Variants in C3orf49 observed in about 807,000 individuals in gnomAD.
C3orf49 encodes chromosome 3 open reading frame 49.
A neutral mutation model predicts 13.3 loss-of-function variants in C3orf49; 27 were observed. The observed-to-expected ratio is 2.02, with a 90% CI of 1.49 to 2.79. The LOEUF (loss-of-function observed/expected upper bound fraction) is 2.79. C3orf49 is among the 30% of genes most tolerant of loss of function. The probability of loss-of-function intolerance (pLI) is 0.00; values close to 1 mark genes in which losing one functional copy is unlikely to be tolerated. For missense variants in C3orf49, 242 were observed against 134.2 expected (o/e 1.80, Z -3.97); for synonymous variants, 87 against 47.6 (o/e 1.83, Z -3.40).
intron 3 of C3orf49, among the ~76,000 whole-genome samples, chr3:63,829,837 C>A (rs906996584): frequency 6.6e-6 from 1 of 152,000 alleles, no homozygotes; most frequent in Admixed American, 6.6e-5. Flanking sequence ...TGGTGGTACA[C>A]ACTTTTAGTC....
chr3:63,807,050 C>T, the C3orf49 span, among the ~76,000 whole-genome samples: 1 of 151,748 alleles, frequency 6.6e-6, no homozygotes. Flanking sequence ...CTCCTGGGTT[C>T]ACGTCATTCT....
At chr3:63,785,864 AG>A in the C3orf49 span, 1 of 152,136 alleles carries the variant, frequency 6.6e-6, no homozygotes, top group Non-Finnish European at 1.5e-5. Context: ...AACCACCAAA[AG>A]CATCTTAATT....
At chr3:63,809,395 A>G in the C3orf49 span, among the ~76,000 whole-genome samples, 3,586 of 152,332 alleles carry the variant, frequency 0.024, 78 homozygotes, top group African/African-American at 0.059. Context: ...AATCTGTTGC[A>G]GCATGAAAAG....
chr3:63,828,053 A>T (rs1402433781), intron 3 of C3orf49, among the ~76,000 whole-genome samples: 1 of 152,228 alleles, frequency 6.6e-6, no homozygotes, highest in African/African-American at 2.4e-5. Flanking sequence ...TTAGACCAGC[A>T]CTGTCCAGTG....
upstream of C3orf49, among the ~76,000 whole-genome samples, chr3:63,814,811 A>G (rs1701305714): frequency 6.6e-6 from 1 of 151,728 alleles, no homozygotes; most frequent in South Asian, 2.1e-4. Flanking sequence ...TCTCTTCTCT[A>G]CTCACCCCCT....
At chr3:63,812,049 C>T in the C3orf49 span, among the ~76,000 whole-genome samples, 1 of 152,106 alleles carries the variant, frequency 6.6e-6, no homozygotes, top group Non-Finnish European at 1.5e-5. Context: ...TGTTCCCACC[C>T]AACTGGGGTG....
chr3:63,815,771 C>CTT (rs1227837780), upstream of C3orf49, among the ~76,000 whole-genome samples: 265 of 136,552 alleles, frequency 1.9e-3, 6 homozygotes, highest in African/African-American at 6.1e-3. Context: ...TCTTTTCTTT[C>CTT]TTTTTTTTTT....
the C3orf49 span, among the ~76,000 whole-genome samples, chr3:63,813,171 T>C: frequency 6.6e-6 from 1 of 152,212 alleles, no homozygotes; most frequent in African/African-American, 2.4e-5. Context: ...AATCCTCCAC[T>C]GGTAGACATA....
the C3orf49 span, among the ~76,000 whole-genome samples, chr3:63,780,168 G>A: frequency 1.3e-5 from 2 of 152,248 alleles, no homozygotes; most frequent in South Asian, 2.1e-4. Context: ...AGGCCCCGGT[G>A]TGTGATGTTC....
chr3:63,827,193 G>T (rs1701473472), intron 2 of C3orf49: 2 of 156,054 alleles, frequency 1.3e-5, no homozygotes, highest in African/African-American at 4.8e-5. Context: ...CAAATCAATG[G>T]TATGTAAATG....
chr3:63,796,585 G>A, the C3orf49 span, among the ~76,000 whole-genome samples: 1 of 152,028 alleles, frequency 6.6e-6, no homozygotes, highest in Admixed American at 6.6e-5. Context: ...CAAGATATAT[G>A]CAATATACAA....
chr3:63,787,698 T>G, the C3orf49 span, among the ~76,000 whole-genome samples: 1 of 152,096 alleles, frequency 6.6e-6, no homozygotes, highest in Admixed American at 6.5e-5. Flanking sequence ...GATGAGAAAT[T>G]AACTCTCTGT....
intron 4 of C3orf49, 46 bp downstream of exon 4, chr3:63,831,269 G>C: frequency 1.4e-6 from 1 of 691,932 alleles, no homozygotes; most frequent in South Asian, 1.5e-5. Context: ...AAGCATCAGA[G>C]AGCCAGGCTT....
At chr3:63,806,043 A>G in the C3orf49 span, among the ~76,000 whole-genome samples, 2 of 152,154 alleles carry the variant, frequency 1.3e-5, no homozygotes, top group African/African-American at 2.4e-5. Flanking sequence ...TACTACTTCT[A>G]CAACTCTGCC....
chr3:63,794,989 G>T, the C3orf49 span, among the ~76,000 whole-genome samples: 1 of 152,108 alleles, frequency 6.6e-6, no homozygotes, highest in African/African-American at 2.4e-5. Flanking sequence ...CAATAAATCA[G>T]CCTGGTTGCC....
chr3:63,825,383 A>G (rs1394542910), intron 2 of C3orf49, among the ~76,000 whole-genome samples: 2 of 152,160 alleles, frequency 1.3e-5, no homozygotes, highest in Admixed American at 6.6e-5. Flanking sequence ...TTCTGGAAAA[A>G]GCAGTCATTA....
At chr3:63,781,919 G>A in the C3orf49 span, among the ~76,000 whole-genome samples, 1 of 152,184 alleles carries the variant, frequency 6.6e-6, no homozygotes, top group African/African-American at 2.4e-5. Flanking sequence ...CATGGAAATG[G>A]AAATTGTAAG....
At chr3:63,835,934 A>C (rs778172411) in intron 5 of C3orf49, among the ~76,000 whole-genome samples, 36 of 152,162 alleles carry the variant, frequency 2.4e-4, no homozygotes, top group Middle Eastern at 3.4e-3. Context: ...TATGTGTTTC[A>C]GGAATTTAAA....
intron 2 of C3orf49, among the ~76,000 whole-genome samples, chr3:63,824,896 A>G (rs1172909298): frequency 6.6e-6 from 1 of 151,926 alleles, no homozygotes; most frequent in Non-Finnish European, 1.5e-5. Flanking sequence ...TTATATTTAC[A>G]GAAAAATTGA....
Sources: allele counts gnomAD v4.1 joint callset (sites outside exome capture counted in the v4.1 genomes callset), GRCh38; gene constraint gnomAD v4.1.1; transcripts MANE v1.5; gene names NCBI Gene and HGNC (gene_info 2026-07-23, HGNC 2026-07-21).